The following SLCO4C1 variants were observed in gnomAD, a reference collection of about 807,000 sequenced individuals.
SLCO4C1 encodes the protein solute carrier organic anion transporter family member 4C1, also known as organic anion transporter M1.
A neutral mutation model predicts 72.1 loss-of-function variants in SLCO4C1; 58 were observed. The observed-to-expected ratio is 0.80, with a 90% CI of 0.65 to 1.00. SLCO4C1 has a LOEUF of 1.00. Ranked by LOEUF, SLCO4C1 falls within the 50% of genes least tolerant of loss-of-function variation. SLCO4C1 has a pLI of 0.00. For synonymous variants in SLCO4C1, 297 were observed against 312.5 expected (o/e 0.95, Z 0.52); for missense variants, 898 against 857.9 (o/e 1.05, Z -0.58).
At chr5:102,289,474 A>G (rs1201026076) in intron 2 of SLCO4C1, among the ~76,000 whole-genome samples, 1 of 152,266 alleles carries the variant, frequency 6.6e-6, no homozygotes, top group Non-Finnish European at 1.5e-5. Context: ...CAAGCAAGGC[A>G]TCTGAGCAAC....
At chr5:102,295,448 C>A (rs1749631434) in intron 1 of SLCO4C1, among the ~76,000 whole-genome samples, 1 of 152,190 alleles carries the variant, frequency 6.6e-6, no homozygotes, top group African/African-American at 2.4e-5. Flanking sequence ...AGCTTTCTTC[C>A]TTGTAAGGCA....
chr5:102,249,315 G>T (rs1202121739), intron 9 of SLCO4C1, among the ~76,000 whole-genome samples: 1 of 152,082 alleles, frequency 6.6e-6, no homozygotes, highest in East Asian at 1.9e-4. Flanking sequence ...TGGCATATTT[G>T]GGTATATGCA....
rs148656907 is a variant in SLCO4C1 at position 102,273,733 on chromosome 5, C to T, written c.620-2927G>A. ...CATTTTAGCCTATAGAGAAATACTT[C>T]ATTCAGAGATGCCATGTGTACCTTA... On this transcript the variant is annotated intron_variant, in intron 2 of 12. Transcript: ENST00000310954. Among the ~76,000 whole-genome samples, 336 of 152,274 alleles carry T rather than the reference C, an allele frequency of 2.2e-3. 2 individuals carry two copies. Among genetic ancestry groups the T allele is most frequent in the Middle Eastern group, 0.014 (4 of 294 alleles).
At chr5:102,278,692 A>C (rs1749294579) in intron 2 of SLCO4C1, among the ~76,000 whole-genome samples, 1 of 152,114 alleles carries the variant, frequency 6.6e-6, no homozygotes, top group Non-Finnish European at 1.5e-5. Context: ...GATAACAAAA[A>C]TATCTCCAAA....
chr5:102,278,708 G>A (rs1749294766), intron 2 of SLCO4C1, among the ~76,000 whole-genome samples: 1 of 151,846 alleles, frequency 6.6e-6, no homozygotes, highest in Admixed American at 6.6e-5. Context: ...CCAAATATTG[G>A]AAACTAAACA....
At position 102,285,212 on chromosome 5, in the gene SLCO4C1, T is replaced by TACACACACACACAC. The variant is rs3070619; in HGVS notation, c.619+6117_619+6130dup. Among the ~76,000 whole-genome samples the TACACACACACACAC allele has an allele frequency of 2.4e-3, 350 of 147,944 alleles. 2 individuals carry two copies. The highest frequency in any genetic ancestry group is 7.9e-3 in the African/African-American group (315 of 39,802). Reference sequence around the variant, plus strand: ...ATCCAGGATAATTCATATATATACATACACACACACACACACACACACACA... The same window carrying TACACACACACACAC: ...ATCCAGGATAATTCATATATATACATACACACACACACACACACACACACACACACACACACACA... On this transcript the variant is annotated intron_variant, in intron 2 of 12. Transcript: ENST00000310954.
In SLCO4C1 at chr5:102,242,652, A is replaced by T. The variant is rs569390955; in HGVS notation, c.1812-1870T>A. On this transcript the variant is annotated intron_variant, in intron 10 of 12. Coordinates refer to ENST00000310954, the MANE Select transcript of SLCO4C1 (RefSeq NM_180991.5). ...ATACACCAGTCCTGACAGCGTTCAT[A>T]TACTTTTAAGTCATGAAGAGCCCTT... Among the ~76,000 whole-genome samples the T allele has an allele frequency of 3.3e-3, 505 of 152,212 alleles. 6 individuals are homozygous for T. The highest frequency in any genetic ancestry group is 0.012 in the African/African-American group (492 of 41,532).
rs930580090 is a variant in SLCO4C1 at position 102,234,681 on chromosome 5, C to T, written c.*2177G>A. ...ATTTGTTCAGTTATTCTGTTTTCTT[C>T]CTTACTGCCATTTCACATCTCCATC... On this transcript the variant is annotated 3_prime_UTR_variant, in exon 13 of 13. Transcript: ENST00000310954. 6 of 152,058 alleles carry T rather than the reference C, an allele frequency of 3.9e-5. No homozygotes were observed. The highest frequency in any genetic ancestry group is 1.4e-4 in the African/African-American group (6 of 41,392). The allele number at this position is 152,058 out of a possible 1,614,324, so 9.4% of individuals were successfully genotyped here. A position where few individuals can be genotyped will look rare whatever the true frequency, so the allele number is the denominator to read the frequency against.
chr5:102,275,457 A>G (rs1407392343), intron 2 of SLCO4C1, among the ~76,000 whole-genome samples: 2 of 152,224 alleles, frequency 1.3e-5, no homozygotes, highest in Non-Finnish European at 2.9e-5. Context: ...AAATATCACT[A>G]TACTGTAAAA....
At chr5:102,249,839 T>C in intron 8 of SLCO4C1, 51 bp from the exon 9 acceptor site, 1 of 1,575,766 alleles carries the variant, frequency 6.3e-7, no homozygotes, top group Non-Finnish European at 8.6e-7. Flanking sequence ...AACTTTTAAC[T>C]AACAATTTCG....
At chr5:102,293,303 TAGAA>T (rs567919942) in intron 1 of SLCO4C1, among the ~76,000 whole-genome samples, 45 of 152,192 alleles carry the variant, frequency 3.0e-4, no homozygotes, top group African/African-American at 9.1e-4. Flanking sequence ...AATTAGTTAA[TAGAA>T]AGAATTGTCT....
chr5:102,282,197 A>T (rs760170876), intron 2 of SLCO4C1, among the ~76,000 whole-genome samples: 11 of 152,086 alleles, frequency 7.2e-5, no homozygotes, highest in Non-Finnish European at 1.6e-4. Context: ...AAAACCTTTA[A>T]ACATAGAAAT....
chr5:102,268,084 C>T (rs1431792997), intron 3 of SLCO4C1, among the ~76,000 whole-genome samples: 9 of 151,924 alleles, frequency 5.9e-5, no homozygotes, highest in South Asian at 2.1e-4. Context: ...TAAAATGTTC[C>T]GTATATACCT....
intron 6 of SLCO4C1, 121 bp downstream of exon 6, chr5:102,260,092 A>G (rs1748906605): frequency 4.0e-6 from 1 of 252,436 alleles, no homozygotes; most frequent in Non-Finnish European, 7.8e-6. Context: ...GTATTTGTAT[A>G]TATATATGTG....
At chr5:102,237,455 A>T (rs1185227057) in intron 12 of SLCO4C1, among the ~76,000 whole-genome samples, 2 of 151,316 alleles carry the variant, frequency 1.3e-5, no homozygotes, top group Non-Finnish European at 2.9e-5. Flanking sequence ...AAAAAAGTGC[A>T]AAATATATTC....
rs1561367584 is a variant in SLCO4C1, at chr5:102,249,544, G to C, written c.1620+94C>G. 4 of 1,320,784 alleles carry C rather than the reference G, an allele frequency of 3.0e-6. No individual in the cohort carries two copies. In the East Asian group the frequency reaches 9.4e-5, roughly 31 times the overall value. The allele number at this position is 1,320,784 out of a possible 1,614,324, so 81.8% of individuals were successfully genotyped here. A position where few individuals can be genotyped will look rare whatever the true frequency, so the allele number is the denominator to read the frequency against. ...CTTAACGGAGGCAATGGAGCAGGAA[G>C]GCAAGAATAGGCATTGCATAACCCC... On this transcript the variant is annotated intron_variant, in intron 9 of 12. Coordinates refer to ENST00000310954, the MANE Select transcript of SLCO4C1 (RefSeq NM_180991.5).
intron 8 of SLCO4C1, among the ~76,000 whole-genome samples, chr5:102,253,677 C>T (rs1393096360): frequency 6.6e-6 from 1 of 151,860 alleles, no homozygotes; most frequent in Non-Finnish European, 1.5e-5. Flanking sequence ...TGTGATGGCA[C>T]GCCTATAATC....
intron 8 of SLCO4C1, among the ~76,000 whole-genome samples, chr5:102,251,618 G>A (rs1316239774): frequency 6.6e-6 from 1 of 151,886 alleles, no homozygotes; most frequent in East Asian, 1.9e-4. Flanking sequence ...AAGAGTCAAA[G>A]GTGACTCCTA....
At chr5:102,295,023 T>C (rs531297253) in intron 1 of SLCO4C1, among the ~76,000 whole-genome samples, 77 of 152,330 alleles carry the variant, frequency 5.1e-4, no homozygotes, top group African/African-American at 1.8e-3. Flanking sequence ...CATGTCCTTC[T>C]TGACTCCTCT....
Sources: allele counts gnomAD v4.1 joint callset (sites outside exome capture counted in the v4.1 genomes callset), GRCh38; gene constraint gnomAD v4.1.1; transcripts MANE v1.5; gene names NCBI Gene and HGNC (gene_info 2026-07-23, HGNC 2026-07-21).